Variants in ABLIM1 observed in about 807,000 individuals in gnomAD.
ABLIM1 encodes the protein actin-binding LIM protein 1.
In ABLIM1, 40 loss-of-function variants were observed where a neutral mutation model predicts 107.0. The ratio of observed to expected loss-of-function variants is 0.37; its 90% CI spans 0.29 to 0.49. The LOEUF is 0.49. Among genes scored for constraint, ABLIM1 ranks in the 20% least tolerant of loss-of-function variants. The probability of loss-of-function intolerance (pLI) is 0.97; values close to 1 mark genes in which losing one functional copy is unlikely to be tolerated. For synonymous variants in ABLIM1, 357 were observed against 357.3 expected, an observed-to-expected ratio of 1.00 and a Z score of 0.01; for missense variants, 857 against 1,008.5, an observed-to-expected ratio of 0.85 and a Z score of 2.04.
At chr10:114,670,781 C>T (rs2080220355) in intron 1 of ABLIM1, among the ~76,000 whole-genome samples, 1 of 152,262 alleles carries the variant, frequency 6.6e-6, no homozygotes, top group Admixed American at 6.5e-5. Flanking sequence ...AGGCGTAAGC[C>T]TCTGTGCCCA....
At chr10:114,770,275 G>A (rs1021996550), upstream of ABLIM1, among the ~76,000 whole-genome samples, 4 of 152,176 alleles carry the variant, frequency 2.6e-5, no homozygotes, top group African/African-American at 9.7e-5. Flanking sequence ...CTCTAGGGTA[G>A]ATACTAGGGT....
intron 8 of ABLIM1, among the ~76,000 whole-genome samples, chr10:114,481,214 C>T (rs1392196684): frequency 2.0e-5 from 3 of 152,048 alleles, no homozygotes; most frequent in Non-Finnish European, 4.4e-5. Flanking sequence ...CATTTACTTT[C>T]CATTATGATC....
intron 1 of ABLIM1, among the ~76,000 whole-genome samples, chr10:114,691,418 G>A (rs1417845481): frequency 6.6e-6 from 1 of 152,186 alleles, no homozygotes; most frequent in East Asian, 1.9e-4. Context: ...AGAAGTTGCA[G>A]TGATGGACTT....
chr10:114,789,203 C>T, the ABLIM1 span, among the ~76,000 whole-genome samples: 2 of 151,648 alleles, frequency 1.3e-5, no homozygotes, highest in South Asian at 2.1e-4. Context: ...TGCAGTGAGC[C>T]GAGATCATAC....
At chr10:114,471,610 A>G (rs1482415725) in intron 10 of ABLIM1, among the ~76,000 whole-genome samples, 1 of 152,192 alleles carries the variant, frequency 6.6e-6, no homozygotes, top group Non-Finnish European at 1.5e-5. Context: ...TTCCACGCAG[A>G]GCTATGCTCT....
chr10:114,584,461 C>A (rs1375542147), intron 2 of ABLIM1, among the ~76,000 whole-genome samples: 1 of 152,128 alleles, frequency 6.6e-6, no homozygotes, highest in African/African-American at 2.4e-5. Context: ...AGTATGGGAT[C>A]TGAGTTAATC....
intron 2 of ABLIM1, among the ~76,000 whole-genome samples, chr10:114,599,670 C>A (rs1202557369): frequency 6.6e-6 from 1 of 151,792 alleles, no homozygotes; most frequent in African/African-American, 2.4e-5. Flanking sequence ...ACCTGTAATC[C>A]CAGCTACTTG....
chr10:114,663,730 T>C (rs1267999596), intron 1 of ABLIM1, among the ~76,000 whole-genome samples: 1 of 152,204 alleles, frequency 6.6e-6, no homozygotes, highest in Non-Finnish European at 1.5e-5. Flanking sequence ...GCTGTGGACA[T>C]AGGAAGCTGT....
intron 15 of ABLIM1, among the ~76,000 whole-genome samples, chr10:114,445,795 A>G (rs1014838422): frequency 3.9e-5 from 6 of 152,236 alleles, no homozygotes; most frequent in Admixed American, 2.6e-4. Context: ...TTTTGAGACA[A>G]GGTTTCACTC....
chr10:114,520,070 C>G (rs1007398798), intron 6 of ABLIM1, among the ~76,000 whole-genome samples: 4 of 152,230 alleles, frequency 2.6e-5, no homozygotes, highest in African/African-American at 9.6e-5. Flanking sequence ...AGGCTTCAGG[C>G]TCATGCCTGA....
At chr10:114,637,601 A>C (rs907671866) in intron 1 of ABLIM1, among the ~76,000 whole-genome samples, 1 of 152,188 alleles carries the variant, frequency 6.6e-6, no homozygotes, top group Non-Finnish European at 1.5e-5. Context: ...CTGAGTTTGG[A>C]CCCAAGCAAT....
the ABLIM1 span, among the ~76,000 whole-genome samples, chr10:114,791,499 G>A: frequency 1.3e-5 from 2 of 152,102 alleles, no homozygotes; most frequent in East Asian, 1.9e-4. Flanking sequence ...TTAGACGGGC[G>A]TGGTGGTGGA....
intron 4 of ABLIM1, among the ~76,000 whole-genome samples, chr10:114,551,063 G>A (rs2068000676): frequency 6.6e-6 from 1 of 152,170 alleles, no homozygotes; most frequent in African/African-American, 2.4e-5. Context: ...AGCAGCATGG[G>A]CATTGGTGTC....
At position 114,536,227 on chromosome 10, in the gene ABLIM1, GTTTTTTTTTTTTTTTTTTTTTT is replaced by G. The variant is rs536435789; in HGVS notation, c.894+8756_894+8777del. Among the ~76,000 whole-genome samples the G allele has an allele frequency of 3.6e-5, 2 of 56,222 alleles. 1 individual carries two copies. The highest frequency in any genetic ancestry group is 1.7e-4 in the African/African-American group (2 of 11,826). 36.9% of individuals were successfully genotyped at this position (56,222 alleles called of 152,430 possible). A position where few individuals can be genotyped will look rare whatever the true frequency, so the allele number is the denominator to read the frequency against. ...TGACTGTCTTTTTCCTTCTTTCTTT[GTTTTTTTTTTTTTTTTTTTTTT>G]TTTTTTTTTTTTTTTGAGATGGAGT... On this transcript the variant is annotated intron_variant, in intron 6 of 22. Transcript: ENST00000533213.
chr10:114,512,891 GGAAGGAAGGAAGGAAGGAAA>G (rs1565725597), intron 6 of ABLIM1, among the ~76,000 whole-genome samples: 8 of 148,680 alleles, frequency 5.4e-5, no homozygotes, highest in African/African-American at 1.7e-4. Context: ...AAGGAAGGAA[GGAAGGAAGGAAGGAAGGAAA>G]GAAAGAGAGA....
chr10:114,459,188 GC>G (rs1474136584), intron 12 of ABLIM1, among the ~76,000 whole-genome samples: 1 of 152,236 alleles, frequency 6.6e-6, no homozygotes, highest in Non-Finnish European at 1.5e-5. Flanking sequence ...GGCGCCCCCT[GC>G]CTCTGAGATG....
upstream of ABLIM1, among the ~76,000 whole-genome samples, chr10:114,661,495 C>A (rs1388119481): frequency 6.6e-6 from 1 of 152,176 alleles, no homozygotes; most frequent in Non-Finnish European, 1.5e-5. Context: ...ACCTCTTCAC[C>A]CAGGAAAGCA....
At position 114,707,919 on chromosome 10, in the gene ABLIM1, A is replaced by AAAC. The variant is rs1040611785; in HGVS notation, c.-213+60139_-213+60141dup. 1.4e-4 allele frequency among the ~76,000 whole-genome samples: 20 copies of AAAC among 139,662 alleles called. No individual in the cohort carries two copies. Among genetic ancestry groups the AAAC allele is most frequent in the African/African-American group, 6.6e-4 (20 of 30,178 alleles). 91.6% of individuals were successfully genotyped at this position (139,662 alleles called of 152,430 possible). A position where few individuals can be genotyped will look rare whatever the true frequency, so the allele number is the denominator to read the frequency against. On this transcript the variant is annotated intron_variant, in intron 1 of 15. Coordinates refer to the ABLIM1 transcript ENST00000651092. This position sits in a 1 kb window ranked among gnomAD's most constrained non-coding sequence, Gnocchi z 4.1. Reference sequence around the variant, plus strand: ...TCCGTCTCAAAACAAACAAACAAACAAACAACAACAACAACAAAAAACCTA... The same window carrying AAAC: ...TCCGTCTCAAAACAAACAAACAAACAAACAACAACAACAACAACAAAAAACCTA...
At chr10:114,642,751 G>A (rs890624040) in intron 1 of ABLIM1, among the ~76,000 whole-genome samples, 1 of 152,164 alleles carries the variant, frequency 6.6e-6, no homozygotes, top group Non-Finnish European at 1.5e-5. Context: ...CCTAGACTAA[G>A]GCTTCGAACT....
Sources: allele counts gnomAD v4.1 joint callset (sites outside exome capture counted in the v4.1 genomes callset), GRCh38; gene constraint gnomAD v4.1.1; non-coding constraint Gnocchi (gnomAD v3.1); transcripts MANE v1.5; gene names NCBI Gene and HGNC (gene_info 2026-07-23, HGNC 2026-07-21).